LRMDA: variants seen among roughly 807,000 people sequenced by gnomAD.
LRMDA encodes the protein leucine-rich melanocyte differentiation-associated protein.
LRMDA carries 18 observed loss-of-function variants against 29.8 expected under a neutral mutation model. The ratio of observed to expected loss-of-function variants is 0.60; its 90% CI spans 0.42 to 0.90. The LOEUF (loss-of-function observed/expected upper bound fraction) is 0.90. Ranked by LOEUF, LRMDA falls within the 40% of genes least tolerant of loss-of-function variation. The pLI, the probability that LRMDA is intolerant of heterozygous loss-of-function variation, is 0.00. For synonymous variants in LRMDA, 125 were observed against 109.4 expected, an observed-to-expected ratio of 1.14 and a Z score of -0.89; for missense variants, 273 against 273.9, an observed-to-expected ratio of 1.00 and a Z score of 0.02.
intron 6 of LRMDA, among the ~76,000 whole-genome samples, chr10:76,549,383 G>T (rs114441299): frequency 0.015 from 2,215 of 152,250 alleles, 60 homozygotes; most frequent in African/African-American, 0.05. Context: ...CCCAGCATTT[G>T]TCTGAGCAGG....
intron 2 of LRMDA, among the ~76,000 whole-genome samples, chr10:76,028,699 A>C (rs1406581215): frequency 6.6e-6 from 1 of 152,172 alleles, no homozygotes; most frequent in Non-Finnish European, 1.5e-5. Context: ...GCCATTAATC[A>C]GTATTCTTCA....
At chr10:75,478,579 A>G (rs1844822341) in intron 2 of LRMDA, among the ~76,000 whole-genome samples, 1 of 152,200 alleles carries the variant, frequency 6.6e-6, no homozygotes, top group African/African-American at 2.4e-5. Flanking sequence ...CTTTGGAGGA[A>G]GTTGACTGAT....
At chr10:75,694,904 A>G (rs1375901187) in intron 2 of LRMDA, among the ~76,000 whole-genome samples, 1 of 152,208 alleles carries the variant, frequency 6.6e-6, no homozygotes, top group Admixed American at 6.5e-5. Context: ...ATTCCTTGAC[A>G]TAATAAGAAG....
intron 2 of LRMDA, among the ~76,000 whole-genome samples, chr10:75,692,234 A>G (rs1159134856): frequency 2.1e-5 from 3 of 141,120 alleles, no homozygotes; most frequent in East Asian, 2.0e-4. Flanking sequence ...ATATATATAT[A>G]TATATATATA....
At chr10:76,020,520 C>T (rs972467474) in intron 2 of LRMDA, among the ~76,000 whole-genome samples, 8 of 152,190 alleles carry the variant, frequency 5.3e-5, no homozygotes, top group Non-Finnish European at 1.2e-4. Context: ...TGGGGGGCTG[C>T]CTGATGTTCT....
Position 76,263,271 on chromosome 10 carries a change from CT to C in LRMDA, c.517-61120del, listed in dbSNP as rs1007395020. ...GACCACAAAAGGAACTTCTAACAAA[CT>C]TTTTTTTTTAAAAAAAGATCATCTG... On this transcript the variant is annotated intron_variant, in intron 5 of 6. Coordinates refer to ENST00000611255, the MANE Select transcript of LRMDA (RefSeq NM_001305581.2). Among the ~76,000 whole-genome samples the C allele has an allele frequency of 8.2e-4, 121 of 147,350 alleles. 1 individual carries two copies. The highest frequency in any genetic ancestry group is 2.6e-3 in the African/African-American group (100 of 38,364).
intron 2 of LRMDA, among the ~76,000 whole-genome samples, chr10:75,693,119 A>T (rs557153072): frequency 3.3e-5 from 5 of 152,152 alleles, no homozygotes; most frequent in Non-Finnish European, 7.3e-5. Context: ...TCTGTAATAT[A>T]GTGCTTGGCT....
intron 6 of LRMDA, among the ~76,000 whole-genome samples, chr10:76,522,209 C>G (rs918000316): frequency 1.3e-5 from 2 of 152,126 alleles, no homozygotes; most frequent in African/African-American, 2.4e-5. Context: ...AATTAATTCA[C>G]AAAACATAAG....
At chr10:75,896,697 C>G (rs902026295) in intron 2 of LRMDA, among the ~76,000 whole-genome samples, 1 of 152,166 alleles carries the variant, frequency 6.6e-6, no homozygotes, top group African/African-American at 2.4e-5. Flanking sequence ...ACAGGAATTT[C>G]GCTGGGCTGT....
At chr10:76,478,674 T>G (rs1242858654) in intron 6 of LRMDA, among the ~76,000 whole-genome samples, 6 of 151,894 alleles carry the variant, frequency 4.0e-5, no homozygotes, top group Admixed American at 3.3e-4. Context: ...TAGACTGGAT[T>G]AAGAAAATGT....
At chr10:76,297,253 G>T (rs1445625860) in intron 5 of LRMDA, among the ~76,000 whole-genome samples, 1 of 152,240 alleles carries the variant, frequency 6.6e-6, no homozygotes, top group East Asian at 1.9e-4. Context: ...TCTTTGGAAA[G>T]CATTCAGGGT....
intron 5 of LRMDA, among the ~76,000 whole-genome samples, chr10:76,297,426 C>T (rs1453565742): frequency 1.3e-5 from 2 of 152,130 alleles, no homozygotes; most frequent in Non-Finnish European, 2.9e-5. Flanking sequence ...TACTGACTGC[C>T]CTGTGGATTT....
At chr10:75,652,056 C>G (rs1300301524) in intron 2 of LRMDA, among the ~76,000 whole-genome samples, 2 of 152,208 alleles carry the variant, frequency 1.3e-5, no homozygotes, top group African/African-American at 4.8e-5. Flanking sequence ...CTTTTATGTT[C>G]TCAAAGCGAA....
At chr10:75,832,403 C>G (rs139350951) in intron 2 of LRMDA, among the ~76,000 whole-genome samples, 2,782 of 152,282 alleles carry the variant, frequency 0.018, 34 homozygotes, top group Middle Eastern at 0.031. Context: ...TCATCTGAGA[C>G]CACCTCAGCC....
intron 2 of LRMDA, among the ~76,000 whole-genome samples, chr10:75,795,409 A>C (rs977323373): frequency 1.6e-5 from 2 of 124,998 alleles, no homozygotes; most frequent in African/African-American, 5.0e-5. Flanking sequence ...AAATAAATAA[A>C]ATAAAATAAA....
chr10:76,071,763 T>A lies in LRMDA; in HGVS notation c.516+12980T>A, dbSNP rs528596051. ...AAGAAATAATATGCTTTGAAAGTGA[T>A]TTATGAGTGTGGTTAAACTGCCAGA... On this transcript the variant is annotated intron_variant, in intron 5 of 6. Coordinates refer to ENST00000611255, the MANE Select transcript of LRMDA (RefSeq NM_001305581.2). Among the ~76,000 whole-genome samples, 37 of 152,332 alleles carry A rather than the reference T, an allele frequency of 2.4e-4. No homozygotes were observed. The South Asian group carries it at 3.3e-3, about 14-fold the overall frequency.
In LRMDA at chr10:75,854,491, C is replaced by G. The variant is rs554090955; in HGVS notation, c.132-181517C>G. On this transcript the variant is annotated intron_variant, in intron 2 of 6. Transcript: ENST00000611255. ...GAAAAGGAATGTTTATATTTGTTGT[C>G]CTAGTACCATAGAAACAGTGGCATA... Among the ~76,000 whole-genome samples, 21 of 152,114 alleles carry G rather than the reference C, an allele frequency of 1.4e-4. No homozygotes were observed. The East Asian group carries it at 3.3e-3, about 24-fold the overall frequency.
At chr10:76,399,780 G>A (rs1344669789) in intron 6 of LRMDA, among the ~76,000 whole-genome samples, 1 of 152,122 alleles carries the variant, frequency 6.6e-6, no homozygotes, top group Admixed American at 6.5e-5. Context: ...CATAGAACTA[G>A]TTGCCAAGTC....
chr10:75,516,601 C>T (rs1399598521), intron 2 of LRMDA, among the ~76,000 whole-genome samples: 2 of 151,920 alleles, frequency 1.3e-5, no homozygotes, highest in Non-Finnish European at 2.9e-5. Context: ...TGGATATTAG[C>T]CCATTGTCAG....
Sources: allele counts gnomAD v4.1 joint callset (sites outside exome capture counted in the v4.1 genomes callset), GRCh38; gene constraint gnomAD v4.1.1; transcripts MANE v1.5; gene names NCBI Gene and HGNC (gene_info 2026-07-23, HGNC 2026-07-21).